UVRAG: variants seen among roughly 807,000 people sequenced by gnomAD.
The protein encoded by UVRAG is UV radiation resistance associated.
A neutral mutation model predicts 78.0 loss-of-function variants in UVRAG; 19 were observed. The ratio of observed to expected loss-of-function variants is 0.24; its 90% CI spans 0.17 to 0.36. UVRAG has a LOEUF of 0.36. UVRAG is among the 10% of genes least tolerant of loss of function. UVRAG has a pLI of 1.00. For synonymous variants in UVRAG, 323 were observed against 324.6 expected, an observed-to-expected ratio of 1.00 and a Z score of 0.05; for missense variants, 740 against 853.8, an observed-to-expected ratio of 0.87 and a Z score of 1.66.
chr11:76,051,480 G>T (rs1950866550), intron 12 of UVRAG, among the ~76,000 whole-genome samples: 1 of 152,208 alleles, frequency 6.6e-6, no homozygotes, highest in South Asian at 2.1e-4. Flanking sequence ...TACAAAAAGG[G>T]TGTGGAAAAA....
intron 13 of UVRAG, among the ~76,000 whole-genome samples, chr11:76,076,211 T>C (rs566443993): frequency 9.2e-5 from 14 of 152,318 alleles, no homozygotes; most frequent in South Asian, 6.2e-4. Flanking sequence ...CCACTACTAA[T>C]GTACAAAGGT....
rs115297362 is a variant in UVRAG at position 75,905,531 on chromosome 11, T to G, written c.508-6423T>G. Among the ~76,000 whole-genome samples the G allele has an allele frequency of 4.2e-3, 643 of 152,348 alleles. 4 individuals are homozygous for G. The highest frequency in any genetic ancestry group is 0.014 in the African/African-American group (595 of 41,574). On this transcript the variant is annotated intron_variant, in intron 5 of 14. Coordinates refer to ENST00000356136, the MANE Select transcript of UVRAG (RefSeq NM_003369.4). Reference sequence around the variant, plus strand: ...CCTATTTTGGGTATTTCATACAAATTGAATTATGTAGTATGTGACCTTTTG... The same window carrying G: ...CCTATTTTGGGTATTTCATACAAATGGAATTATGTAGTATGTGACCTTTTG...
At chr11:76,122,992 T>C (rs894993920) in intron 14 of UVRAG, among the ~76,000 whole-genome samples, 2 of 152,154 alleles carry the variant, frequency 1.3e-5, no homozygotes, top group Admixed American at 6.5e-5. Context: ...TGAGACTCAG[T>C]GTGCCAAGCG....
chr11:75,865,473 A>AT (rs1051703119), intron 3 of UVRAG, among the ~76,000 whole-genome samples: 1 of 152,196 alleles, frequency 6.6e-6, no homozygotes, highest in African/African-American at 2.4e-5. Flanking sequence ...CACTGGCCAC[A>AT]TGTGGCCATT....
At chr11:76,125,530 C>CT (rs11424272) in intron 14 of UVRAG, among the ~76,000 whole-genome samples, 14,673 of 152,176 alleles carry the variant, frequency 0.096, 1,640 homozygotes, top group African/African-American at 0.27. Flanking sequence ...CCCATTTCCA[C>CT]TTTTTTCTGC....
chr11:76,028,245 G>A lies in UVRAG; in HGVS notation c.1226+11265G>A, dbSNP rs377040386. ...ATGGCAGACTTAATCAATGTTGTGT[G>A]TGTTCTGACTGCTCCACTGACCAGC... On this transcript the variant is annotated intron_variant, in intron 12 of 14. Transcript: ENST00000356136. Among the ~76,000 whole-genome samples, 6 of 152,210 alleles carry A rather than the reference G, an allele frequency of 3.9e-5. No individual in the cohort carries two copies. The South Asian group carries it at 1.2e-3, about 32-fold the overall frequency.
intron 3 of UVRAG, among the ~76,000 whole-genome samples, chr11:75,873,952 G>A (rs1946706907): frequency 6.6e-6 from 1 of 152,114 alleles, no homozygotes; most frequent in South Asian, 2.1e-4. Flanking sequence ...ACCAGTGAAG[G>A]GCCAGTTCCT....
At chr11:75,962,426 C>T (rs148862190) in intron 7 of UVRAG, among the ~76,000 whole-genome samples, 1 of 152,224 alleles carries the variant, frequency 6.6e-6, no homozygotes, top group African/African-American at 2.4e-5. Flanking sequence ...AGCAGCAATG[C>T]ACTTAACCTT....
At chr11:76,008,671 C>G in intron 10 of UVRAG, 136 bp from the exon 11 acceptor site, 1 of 482,768 alleles carries the variant, frequency 2.1e-6, no homozygotes, top group Non-Finnish European at 3.8e-6. Flanking sequence ...ATGTACTCAT[C>G]ATCCAGCTTC....
intron 6 of UVRAG, among the ~76,000 whole-genome samples, chr11:75,915,833 GA>G (rs1269906168): frequency 6.6e-6 from 1 of 152,148 alleles, no homozygotes; most frequent in Non-Finnish European, 1.5e-5. Flanking sequence ...AGATTATAAA[GA>G]GAGGAGGAGT....
intron 12 of UVRAG, among the ~76,000 whole-genome samples, chr11:76,039,000 T>C (rs1057182374): frequency 2.6e-5 from 4 of 152,254 alleles, no homozygotes; most frequent in African/African-American, 4.8e-5. Context: ...AACTCATTTA[T>C]ACTGTGCCTA....
At chr11:75,837,770 C>T (rs1186420763) in intron 1 of UVRAG, 2 of 152,204 alleles carry the variant, frequency 1.3e-5, no homozygotes, top group Non-Finnish European at 2.9e-5. Context: ...TTACCATCTA[C>T]ATTCTCATGC....
intron 14 of UVRAG, among the ~76,000 whole-genome samples, chr11:76,120,034 C>G (rs1158059827): frequency 6.6e-6 from 1 of 152,188 alleles, no homozygotes; most frequent in Admixed American, 6.5e-5. Context: ...CTCACTCTTC[C>G]TCTGTGTAGA....
chr11:75,992,694 T>TA (rs1949634842), intron 8 of UVRAG, among the ~76,000 whole-genome samples: 1 of 152,198 alleles, frequency 6.6e-6, no homozygotes, highest in Non-Finnish European at 1.5e-5. Context: ...GGTAACCAGA[T>TA]ACGTACTTGT....
Position 75,911,944 on chromosome 11 carries a change from T to C in UVRAG, c.508-10T>C. 6.3e-7 allele frequency: 1 copy of C among 1,583,506 alleles called. No individual in the cohort carries two copies. Among genetic ancestry groups the C allele is most frequent in the Non-Finnish European group, 8.6e-7 (1 of 1,157,006 alleles). ...TGGTTTTGATTAATTTGTTGGTTAA[T>C]GTCTTTCAGGGTTATTCAAATGCTC... On this transcript the variant is annotated splice_polypyrimidine_tract_variant and intron_variant, in intron 5 of 14. Coordinates refer to ENST00000356136, the MANE Select transcript of UVRAG (RefSeq NM_003369.4).
intron 12 of UVRAG, among the ~76,000 whole-genome samples, chr11:76,045,824 G>A (rs1950741918): frequency 6.6e-6 from 1 of 151,692 alleles, no homozygotes; most frequent in African/African-American, 2.4e-5. Flanking sequence ...AAACAGAAAA[G>A]GGAAGGTAGG....
At chr11:76,081,826 T>C (rs923470779) in intron 13 of UVRAG, among the ~76,000 whole-genome samples, 6 of 151,906 alleles carry the variant, frequency 3.9e-5, no homozygotes, top group Non-Finnish European at 8.8e-5. Context: ...ATCGACAATA[T>C]GTTCATCATT....
intron 12 of UVRAG, among the ~76,000 whole-genome samples, chr11:76,046,632 G>A (rs1253084237): frequency 6.6e-6 from 1 of 152,198 alleles, no homozygotes; most frequent in Non-Finnish European, 1.5e-5. Context: ...TGACCCTAGT[G>A]AATGGATTGG....
At chr11:75,956,538 A>G (rs996873452) in intron 6 of UVRAG, among the ~76,000 whole-genome samples, 3 of 152,070 alleles carry the variant, frequency 2.0e-5, no homozygotes, top group Non-Finnish European at 4.4e-5. Context: ...GGCGTATGCC[A>G]CCATGCCTGG....
Sources: gnomAD v4.1 joint callset for allele counts (sites outside exome capture counted in the v4.1 genomes callset) on GRCh38, gnomAD v4.1.1 for gene constraint, MANE v1.5 for transcripts, NCBI Gene and HGNC (gene_info 2026-07-23, HGNC 2026-07-21) for gene names.